Variants in BTRC observed in about 807,000 individuals in gnomAD.
BTRC encodes the protein beta-transducin repeat containing E3 ubiquitin protein ligase, also known as F-box/WD repeat-containing protein 1A.
In BTRC, 42 loss-of-function variants were observed where a neutral mutation model predicts 85.5. That is an observed-to-expected ratio of 0.49 (90% confidence interval 0.38 to 0.64). The LOEUF is 0.64. Among genes scored for constraint, BTRC ranks in the 30% least tolerant of loss-of-function variants. The pLI is 0.00. For synonymous variants in BTRC, 255 were observed against 263.3 expected (o/e 0.97, Z 0.30); for missense variants, 594 against 743.5 (o/e 0.80, Z 2.34).
chr10:101,454,022 A>G (rs1187863571), intron 2 of BTRC, among the ~76,000 whole-genome samples: 1 of 152,230 alleles, frequency 6.6e-6, no homozygotes, highest in Non-Finnish European at 1.5e-5. Flanking sequence ...AGAGCTTGTA[A>G]GTGCTGTTAA....
Position 101,471,936 on chromosome 10 carries a change from G to C in BTRC, c.235-7432G>C, listed in dbSNP as rs185200298. 2.1e-3 allele frequency among the ~76,000 whole-genome samples: 318 copies of C among 152,186 alleles called. 3 individuals carry two copies. The highest frequency in any genetic ancestry group is 7.1e-3 in the African/African-American group (296 of 41,522). On this transcript the variant is annotated intron_variant, in intron 3 of 14. Coordinates refer to ENST00000370187, the MANE Select transcript of BTRC (RefSeq NM_033637.4). ...TGTGATTGTTTCATATTGGGCTACT[G>C]AAAGCCTCTTTCGGCAGGCTTCCAT...
At chr10:101,368,419 G>A (rs1056849765) in intron 1 of BTRC, among the ~76,000 whole-genome samples, 4 of 146,642 alleles carry the variant, frequency 2.7e-5, no homozygotes, top group East Asian at 2.1e-4. Flanking sequence ...TTATAGCAAC[G>A]TAAATGGACT....
chr10:101,394,229 A>G (rs1320073730), intron 1 of BTRC, among the ~76,000 whole-genome samples: 3 of 152,218 alleles, frequency 2.0e-5, no homozygotes, highest in African/African-American at 4.8e-5. Context: ...CAATTTGGAA[A>G]TGGTTCGAGT....
chr10:101,395,488 C>T (rs189110129), intron 1 of BTRC, among the ~76,000 whole-genome samples: 1 of 152,180 alleles, frequency 6.6e-6, no homozygotes, highest in Non-Finnish European at 1.5e-5. Flanking sequence ...AAGAAAAGAC[C>T]TTGATCCAGT....
chr10:101,378,640 T>G (rs1413250255), intron 1 of BTRC, among the ~76,000 whole-genome samples: 5 of 150,812 alleles, frequency 3.3e-5, no homozygotes, highest in Non-Finnish European at 7.4e-5. Flanking sequence ...TTCTCCTGCC[T>G]CAGCCTCCCA....
intron 3 of BTRC, among the ~76,000 whole-genome samples, chr10:101,470,637 T>C (rs574589894): frequency 7.2e-5 from 11 of 152,320 alleles, no homozygotes; most frequent in African/African-American, 2.6e-4. Flanking sequence ...GCCGGTTTTT[T>C]CTTTTAGAAG....
At chr10:101,508,923 A>AAAAAAAAAAAAC (rs1946615174) in intron 4 of BTRC, among the ~76,000 whole-genome samples, 1 of 150,962 alleles carries the variant, frequency 6.6e-6, no homozygotes, top group Non-Finnish European at 1.5e-5. Flanking sequence ...TAAAAAAAAA[A>AAAAAAAAAAAAC]AAAAAAAAAA....
intron 1 of BTRC, among the ~76,000 whole-genome samples, chr10:101,384,720 G>A (rs1369950290): frequency 2.6e-5 from 4 of 152,136 alleles, no homozygotes. Flanking sequence ...GACCTAGAAA[G>A]AGTGGTTTCT....
At chr10:101,488,298 A>G (rs2134250316) in intron 4 of BTRC, among the ~76,000 whole-genome samples, 1 of 152,298 alleles carries the variant, frequency 6.6e-6, no homozygotes, top group South Asian at 2.1e-4. Context: ...GATTCTGTTT[A>G]TTAGAAATTT....
At position 101,430,440 on chromosome 10, in the gene BTRC, C is replaced by A; in HGVS notation, c.144C>A (p.Leu48=). The change falls in exon 2 of 15, where the codon CTC becomes CTA. Residue 48 remains leucine (L), a synonymous_variant. Coordinates refer to ENST00000370187, the MANE Select transcript of BTRC (RefSeq NM_033637.4). ...RCLYNPGTGA[L]TAFQNSSERE... is the part of the protein sequence containing the mutation. ...TGTATAACCCAGGGACTGGCGCACT[C>A]ACAGCTTTCCAGGTACTTTCTCTGT... 1.2e-6 allele frequency: 2 copies of A among 1,613,800 alleles called. No homozygotes were observed. Among genetic ancestry groups the A allele is most frequent in the Non-Finnish European group, 1.7e-6 (2 of 1,179,816 alleles).
At chr10:101,388,166 CTTTTG>C (rs1283962201) in intron 1 of BTRC, among the ~76,000 whole-genome samples, 1 of 151,760 alleles carries the variant, frequency 6.6e-6, no homozygotes, top group Non-Finnish European at 1.5e-5. Context: ...AGATGGCTTT[CTTTTG>C]TTTTGTTTAG....
intron 3 of BTRC, 63 bp from the exon 4 acceptor site, chr10:101,479,305 A>C (rs975800063): frequency 8.0e-7 from 1 of 1,250,452 alleles, no homozygotes; most frequent in African/African-American, 1.5e-5. Context: ...GCAGAATTTG[A>C]AAACAGGATA....
At chr10:101,393,220 G>A (rs1012250404) in intron 1 of BTRC, among the ~76,000 whole-genome samples, 6 of 152,234 alleles carry the variant, frequency 3.9e-5, no homozygotes, top group East Asian at 3.9e-4. Context: ...GAGCCCCTTC[G>A]CCCATACCTT....
chr10:101,520,402 T>C lies in BTRC; in HGVS notation c.325-1237T>C, dbSNP rs576632476. Among the ~76,000 whole-genome samples the C allele has an allele frequency of 3.9e-3, 600 of 152,290 alleles. 9 individuals carry two copies. Among genetic ancestry groups the C allele is most frequent in the African/African-American group, 0.014 (572 of 41,556 alleles). ...ACACTAAGAGTATATGTTAGTGATG[T>C]TAGAGACTGTCATTTTTGTTCACTG... is the stretch of plus-strand genomic sequence containing the variant. On this transcript the variant is annotated intron_variant, in intron 4 of 14. Transcript: ENST00000370187.
intron 4 of BTRC, among the ~76,000 whole-genome samples, chr10:101,489,054 C>A (rs1946062601): frequency 6.6e-6 from 1 of 152,094 alleles, no homozygotes; most frequent in South Asian, 2.1e-4. Context: ...TACCTCACTT[C>A]CCCCTAGTAC....
intron 4 of BTRC, among the ~76,000 whole-genome samples, chr10:101,504,068 TG>T (rs1183062165): frequency 6.6e-6 from 1 of 152,096 alleles, no homozygotes; most frequent in African/African-American, 2.4e-5. Context: ...AGAAGGGTGT[TG>T]GGGGTAAGTT....
At chr10:101,549,144 A>T (rs2062605455) in intron 13 of BTRC, among the ~76,000 whole-genome samples, 1 of 151,818 alleles carries the variant, frequency 6.6e-6, no homozygotes, top group South Asian at 2.1e-4. Flanking sequence ...AATAACAATA[A>T]CAGCATTGGG....
chr10:101,547,990 A>G (rs2062585121), intron 13 of BTRC, among the ~76,000 whole-genome samples: 1 of 152,244 alleles, frequency 6.6e-6, no homozygotes, highest in Admixed American at 6.5e-5. Context: ...AACAAGGGAT[A>G]GAGAGGCTTT....
chr10:101,409,067 CAAA>C (rs1447342307), intron 1 of BTRC, among the ~76,000 whole-genome samples: 3 of 151,642 alleles, frequency 2.0e-5, no homozygotes, highest in African/African-American at 7.3e-5. Context: ...AAACAAAAAA[CAAA>C]AAAAGCCACA....
Sources: allele counts gnomAD v4.1 joint callset (sites outside exome capture counted in the v4.1 genomes callset), GRCh38; gene constraint gnomAD v4.1.1; transcripts MANE v1.5; gene names NCBI Gene and HGNC (gene_info 2026-07-23, HGNC 2026-07-21).